WASHC4: variants seen among roughly 807,000 people sequenced by gnomAD.
WASHC4 encodes the protein WASH complex subunit 4.
Under a neutral mutation model 166.6 loss-of-function variants are expected in WASHC4, and 86 were observed. The ratio of observed to expected loss-of-function variants is 0.52; its 90% CI spans 0.43 to 0.62. The LOEUF (loss-of-function observed/expected upper bound fraction) is 0.62, where lower values mean the gene tolerates loss of function less well. Among genes scored for constraint, WASHC4 ranks in the 20% least tolerant of loss-of-function variants. WASHC4 has a pLI of 0.00. For synonymous variants in WASHC4, 446 were observed against 451.6 expected (o/e 0.99, Z 0.16); for missense variants, 1,262 against 1,382.4 (o/e 0.91, Z 1.38).
At chr12:105,112,966 CT>C (rs1279601311) in intron 2 of WASHC4, among the ~76,000 whole-genome samples, 1 of 152,124 alleles carries the variant, frequency 6.6e-6, no homozygotes, top group Non-Finnish European at 1.5e-5. Flanking sequence ...CCTGAACTGC[CT>C]CACAAATACT....
Position 105,144,269 on chromosome 12 carries a change from CA to C in WASHC4, c.2011-15del. The C allele has an allele frequency of 6.2e-7, 1 of 1,602,530 alleles. No individual in the cohort carries two copies. Among genetic ancestry groups the C allele is most frequent in the South Asian group, 1.1e-5 (1 of 90,336 alleles). On this transcript the variant is annotated splice_polypyrimidine_tract_variant and intron_variant, in intron 20 of 32. Transcript: ENST00000332180. The stretch of plus-strand genomic sequence containing the variant: ...ATATCATTTTGAAAAATTAAAGTAT[CA>C]AATCTTTTGTGAATAGCATTTGCTG...
In WASHC4 at chr12:105,167,035, T is replaced by G. The variant is rs551546391; in HGVS notation, c.*104T>G. The G allele has an allele frequency of 1.4e-5, 11 of 802,228 alleles. No individual in the cohort carries two copies. The South Asian group carries it at 1.5e-4, about 11-fold the overall frequency. 49.7% of individuals were successfully genotyped at this position (802,228 alleles called of 1,614,324 possible). On this transcript the variant is annotated 3_prime_UTR_variant, in exon 33 of 33. Coordinates refer to ENST00000332180, the MANE Select transcript of WASHC4 (RefSeq NM_015275.3). ...GATGAATTGTTTCCTGGGTCACATCTCTGGAAAATAGATGTTACAGTTCTT... is the reference window on the plus strand; with the variant it reads ...GATGAATTGTTTCCTGGGTCACATCGCTGGAAAATAGATGTTACAGTTCTT...
chr12:105,119,824 G>A (rs1880556834), intron 7 of WASHC4, among the ~76,000 whole-genome samples: 1 of 152,234 alleles, frequency 6.6e-6, no homozygotes, highest in Admixed American at 6.5e-5. Flanking sequence ...TGAGTAGGAG[G>A]TAGAAGTGAA....
At position 105,127,251 on chromosome 12, in the gene WASHC4, G is replaced by C; in HGVS notation, c.1161G>C (p.Arg387Ser). 1 of 1,612,038 alleles carries C rather than the reference G, an allele frequency of 6.2e-7. No homozygotes were observed. Among genetic ancestry groups the C allele is most frequent in the Non-Finnish European group, 8.5e-7 (1 of 1,178,370 alleles). ...GTCTTCAAGCCATTAAAATACACAG[G>C]GATACTTTTCTACAACAGAAAGCTC... ...RKSLQAIKIHRDTFLQQKAQS... is the reference protein window; with the variant it reads ...RKSLQAIKIHSDTFLQQKAQS... Residue 387 changes from arginine (R) to serine (S), a missense_variant, in exon 13 of 33, where the codon AGG (arginine) becomes AGC (serine). Transcript: ENST00000332180.
chr12:105,116,767 A>G (rs1414157472), intron 6 of WASHC4, among the ~76,000 whole-genome samples: 1 of 152,176 alleles, frequency 6.6e-6, no homozygotes, highest in Admixed American at 6.5e-5. Flanking sequence ...GGGATTCAAT[A>G]TAGAGAATTG....
At chr12:105,114,478 A>G (rs1162761024) in intron 4 of WASHC4, 51 bp downstream of exon 4, 2 of 1,194,288 alleles carry the variant, frequency 1.7e-6, no homozygotes, top group East Asian at 2.5e-5. Context: ...ATTTAGAAGC[A>G]AGTATGTGTT....
In WASHC4 at chr12:105,162,845, G is replaced by A; in HGVS notation, c.3157G>A (p.Gly1053Ser). The change falls in exon 30 of 33, where the codon GGT (glycine) becomes AGT (serine). Residue 1053 changes from glycine to serine, a missense_variant and splice_region_variant. Coordinates refer to ENST00000332180, the MANE Select transcript of WASHC4 (RefSeq NM_015275.3). Reference protein sequence around the residue: ...AAFTDDGFAMGVAYILKLLDQ... With the variant: ...AAFTDDGFAMSVAYILKLLDQ... ...CTTTACTGATGATGGCTTTGCCATG[G>A]GTAAGCTTAATGGAATTGTTTTTCC... 6.5e-7 allele frequency: 1 copy of A among 1,534,592 alleles called. No individual in the cohort carries two copies. Among genetic ancestry groups the A allele is most frequent in the Non-Finnish European group, 9.0e-7 (1 of 1,113,120 alleles).
At chr12:105,166,739 A>C (rs1884831596) in intron 32 of WASHC4, 125 bp from the exon 33 acceptor site, 1 of 712,670 alleles carries the variant, frequency 1.4e-6, no homozygotes, top group South Asian at 1.5e-5. Flanking sequence ...TTAGAGAAAC[A>C]TTTGATGGAT....
intron 1 of WASHC4, among the ~76,000 whole-genome samples, chr12:105,110,899 A>T (rs1879624265): frequency 6.6e-6 from 1 of 152,196 alleles, no homozygotes; most frequent in Admixed American, 6.5e-5. Context: ...GTTTTAAGGT[A>T]GTAACTTTAT....
chr12:105,137,401 A>G (rs1206900788), intron 14 of WASHC4, among the ~76,000 whole-genome samples: 2 of 151,822 alleles, frequency 1.3e-5, no homozygotes, highest in Middle Eastern at 3.4e-3. Context: ...TTGGCTTGGA[A>G]CTCAAAAATT....
intron 7 of WASHC4, among the ~76,000 whole-genome samples, chr12:105,119,510 ACT>A (rs2135735425): frequency 6.6e-6 from 1 of 151,710 alleles, no homozygotes; most frequent in South Asian, 2.1e-4. Flanking sequence ...CTGCATATAA[ACT>A]CTTTATACTG....
rs988323976 is a variant in WASHC4, at chr12:105,151,522, C to T, written c.2650-821C>T. 2.0e-5 allele frequency among the ~76,000 whole-genome samples: 3 copies of T among 151,844 alleles called. No individual in the cohort carries two copies. In the South Asian group the frequency reaches 6.2e-4, roughly 32 times the overall value. ...TTTGAGACTGAGTCTGGCTCTGTCT[C>T]CCAGGCTGGAGTGCAGTGGCACAGT... On this transcript the variant is annotated intron_variant, in intron 25 of 32. Coordinates refer to ENST00000332180, the MANE Select transcript of WASHC4 (RefSeq NM_015275.3).
chr12:105,115,312 A>T, intron 5 of WASHC4, 83 bp downstream of exon 5: 1 of 862,526 alleles, frequency 1.2e-6, no homozygotes, highest in Non-Finnish European at 2.0e-6. Context: ...GACTACTATG[A>T]TTATATAATA....
Position 105,166,851 on chromosome 12 carries a change from C to G in WASHC4, c.3455-13C>G, listed in dbSNP as rs1884840955. On this transcript the variant is annotated splice_polypyrimidine_tract_variant and intron_variant, in intron 32 of 32. Transcript: ENST00000332180. ...ACATAAATATCCATTATTATTTTCA[C>G]TCATGCTTTCAGAAGAAACTAAAAC... 2.6e-6 allele frequency: 4 copies of G among 1,562,106 alleles called. No individual in the cohort carries two copies. The highest frequency in any genetic ancestry group is 2.2e-5 in the East Asian group (1 of 44,648).
In WASHC4 at chr12:105,147,121, A is replaced by T; in HGVS notation, c.2489A>T (p.His830Leu). The T allele has an allele frequency of 6.2e-7, 1 of 1,605,330 alleles. No homozygotes were observed. The highest frequency in any genetic ancestry group is 8.5e-7 in the Non-Finnish European group (1 of 1,171,966). Residue 830 changes from histidine (H) to leucine (L), a missense_variant, in exon 24 of 33, where the codon CAT becomes CTT. Physicochemically the swap from His to Leu is moderately conservative, Grantham distance 99 (BLOSUM62 -3). Coordinates refer to ENST00000332180, the MANE Select transcript of WASHC4 (RefSeq NM_015275.3). ...CATATTGCTAATTCAATTCGAACAC[A>T]TGGCACGGGAATTATGAATACAACT... ...IRHIANSIRTHGTGIMNTTVN... is the reference protein window; with the variant it reads ...IRHIANSIRTLGTGIMNTTVN...
chr12:105,147,008 C>A, intron 23 of WASHC4, 34 bp from the exon 24 acceptor site: 2 of 1,185,906 alleles, frequency 1.7e-6, no homozygotes, highest in Non-Finnish European at 2.5e-6. Context: ...CTATGGGTTG[C>A]GTTGTTACTG....
chr12:105,129,364 G>A (rs1019556717), intron 13 of WASHC4, among the ~76,000 whole-genome samples: 15 of 152,320 alleles, frequency 9.8e-5, no homozygotes, highest in East Asian at 3.9e-4. Flanking sequence ...GATTATAGGC[G>A]TGAGCCATCA....
intron 1 of WASHC4, 94 bp downstream of exon 1, chr12:105,107,955 C>T: frequency 1.1e-6 from 1 of 923,846 alleles, no homozygotes; most frequent in Non-Finnish European, 1.7e-6. Flanking sequence ...GGGACGGCTG[C>T]GCAGCCGTCT....
At chr12:105,148,939 G>T (rs1883519599) in intron 24 of WASHC4, 1 of 985,130 alleles carries the variant, frequency 1.0e-6, no homozygotes, top group Non-Finnish European at 1.2e-6. Context: ...AGGATTTTCT[G>T]AGTCAAGGGC....
Sources: allele counts gnomAD v4.1 joint callset (sites outside exome capture counted in the v4.1 genomes callset), GRCh38; gene constraint gnomAD v4.1.1; transcripts MANE v1.5; gene names NCBI Gene and HGNC (gene_info 2026-07-23, HGNC 2026-07-21).